EIF2B3: variants seen among roughly 807,000 people sequenced by gnomAD.
The protein encoded by EIF2B3 is eukaryotic translation initiation factor 2B subunit gamma.
EIF2B3 carries 20 observed loss-of-function variants against 54.1 expected under a neutral mutation model. The ratio of observed to expected loss-of-function variants is 0.37; its 90% CI spans 0.26 to 0.54. The LOEUF (loss-of-function observed/expected upper bound fraction) is 0.54, where lower values mean the gene tolerates loss of function less well. Among genes scored for constraint, EIF2B3 ranks in the 20% least tolerant of loss-of-function variants. EIF2B3 has a pLI of 0.86. For synonymous variants in EIF2B3, 153 were observed against 188.1 expected (o/e 0.81, Z 1.52); for missense variants, 448 against 547.8 (o/e 0.82, Z 1.82).
At chr1:44,852,743 C>T (rs1459208651) in intron 11 of EIF2B3, among the ~76,000 whole-genome samples, 1 of 148,284 alleles carries the variant, frequency 6.7e-6, no homozygotes, top group Non-Finnish European at 1.5e-5. Context: ...CGCAGCATTA[C>T]ACTCCAGCCT....
At chr1:44,943,467 T>G (rs949806451) in intron 3 of EIF2B3, among the ~76,000 whole-genome samples, 6 of 152,056 alleles carry the variant, frequency 3.9e-5, no homozygotes, top group Non-Finnish European at 7.4e-5. Flanking sequence ...TTACCCAGGC[T>G]GGAGTGCAGT....
intron 10 of EIF2B3, among the ~76,000 whole-genome samples, chr1:44,867,499 C>T (rs1654818358): frequency 6.6e-6 from 1 of 152,158 alleles, no homozygotes. Context: ...CAGCCCACCA[C>T]TGCTGGCAGA....
At position 44,875,776 on chromosome 1, in the gene EIF2B3, A is replaced by C. The variant is rs1020765804; in HGVS notation, c.976-81T>G. On this transcript the variant is annotated intron_variant, in intron 8 of 11. Coordinates refer to ENST00000360403, the MANE Select transcript of EIF2B3 (RefSeq NM_020365.5). Reference sequence around the variant, plus strand: ...CTCTCCCTCTCCCTCTACCTCTCCCACTCCCCCTCCCCACGGTCTCCCTCT... The same window carrying C: ...CTCTCCCTCTCCCTCTACCTCTCCCCCTCCCCCTCCCCACGGTCTCCCTCT... The C allele has an allele frequency of 3.6e-5, 39 of 1,080,044 alleles. No individual in the cohort carries two copies. In the East Asian group the frequency reaches 5.1e-4, roughly 14 times the overall value. The allele number at this position is 1,080,044 out of a possible 1,614,324, so 66.9% of individuals were successfully genotyped here.
intron 4 of EIF2B3, 103 bp downstream of exon 4, chr1:44,941,403 T>A (rs934377820): frequency 1.6e-5 from 21 of 1,325,478 alleles, no homozygotes; most frequent in Admixed American, 1.4e-4. Context: ...ACAGAATCTG[T>A]GATGTATAGT....
chr1:44,934,160 G>A (rs1181413938), intron 4 of EIF2B3, among the ~76,000 whole-genome samples: 3 of 152,140 alleles, frequency 2.0e-5, no homozygotes, highest in African/African-American at 7.2e-5. Flanking sequence ...CACTTTGGGA[G>A]GCTGAGGCAG....
At chr1:44,901,661 G>A (rs1028182435) in intron 5 of EIF2B3, among the ~76,000 whole-genome samples, 1 of 151,024 alleles carries the variant, frequency 6.6e-6, no homozygotes, top group African/African-American at 2.4e-5. Flanking sequence ...CTGGGCTCAG[G>A]TGATCCTCCC....
chr1:44,965,024 C>T (rs1450814346), intron 3 of EIF2B3, among the ~76,000 whole-genome samples: 4 of 152,200 alleles, frequency 2.6e-5, no homozygotes, highest in Non-Finnish European at 5.9e-5. Flanking sequence ...GGATCCATAT[C>T]CAAGGAGTCA....
At chr1:44,914,535 T>C (rs1490658374) in intron 5 of EIF2B3, among the ~76,000 whole-genome samples, 1 of 152,216 alleles carries the variant, frequency 6.6e-6, no homozygotes, top group Admixed American at 6.5e-5. Context: ...TCCAGAATTG[T>C]TACTATCTCA....
intron 3 of EIF2B3, chr1:44,958,560 T>G: frequency 7.1e-7 from 1 of 1,413,396 alleles, no homozygotes; most frequent in South Asian, 1.2e-5. Context: ...TCCTATTATG[T>G]CTTTGTGTGA....
At chr1:44,942,037 G>A (rs1049319367) in intron 3 of EIF2B3, among the ~76,000 whole-genome samples, 8 of 152,044 alleles carry the variant, frequency 5.3e-5, no homozygotes, top group African/African-American at 1.9e-4. Flanking sequence ...ATAGTTTGAT[G>A]ACTTAATATG....
intron 10 of EIF2B3, among the ~76,000 whole-genome samples, chr1:44,873,050 G>A (rs545355946): frequency 1.3e-5 from 2 of 152,308 alleles, no homozygotes; most frequent in South Asian, 2.1e-4. Context: ...ATTGGCTATA[G>A]TGGAATAATT....
At chr1:44,852,912 A>G (rs1654320220) in intron 11 of EIF2B3, among the ~76,000 whole-genome samples, 1 of 152,210 alleles carries the variant, frequency 6.6e-6, no homozygotes, top group African/African-American at 2.4e-5. Flanking sequence ...TGACTAAGAT[A>G]GGATATGGTC....
rs1655386713 is a variant in EIF2B3, at chr1:44,881,147, C to G, written c.784+465G>C. ...ACTGGGCCGGGGATTAGGGATATGA[C>G]AGCAAACAAGACAGATCCGATCTTC... On this transcript the variant is annotated intron_variant, in intron 7 of 11. Coordinates refer to ENST00000360403, the MANE Select transcript of EIF2B3 (RefSeq NM_020365.5). The surrounding 1 kb of genome is among the most constrained non-coding windows in gnomAD (Gnocchi z 4.0). Among the ~76,000 whole-genome samples the G allele has an allele frequency of 6.6e-6, 1 of 152,156 alleles. No individual in the cohort carries two copies. The highest frequency in any genetic ancestry group is 1.5e-5 in the Non-Finnish European group (1 of 68,042).
At chr1:44,975,059 A>C (rs1644438933) in intron 3 of EIF2B3, among the ~76,000 whole-genome samples, 1 of 152,118 alleles carries the variant, frequency 6.6e-6, no homozygotes, top group South Asian at 2.1e-4. Context: ...TAAAATAAAA[A>C]TCTAAAAAAT....
At chr1:44,917,922 T>C (rs3121175) in intron 5 of EIF2B3, among the ~76,000 whole-genome samples, 149,768 of 149,814 alleles carry the variant, frequency 1, 74,861 homozygotes, top group Middle Eastern at 1. Flanking sequence ...TACAGGCGCC[T>C]GCCACCACGC....
At chr1:44,863,435 A>G (rs1286859352) in intron 10 of EIF2B3, among the ~76,000 whole-genome samples, 2 of 152,178 alleles carry the variant, frequency 1.3e-5, no homozygotes, top group African/African-American at 2.4e-5. Flanking sequence ...GAATTTTGCT[A>G]TGTTGCCCAG....
At chr1:44,962,544 G>C (rs1644296357) in intron 3 of EIF2B3, among the ~76,000 whole-genome samples, 1 of 152,138 alleles carries the variant, frequency 6.6e-6, no homozygotes, top group Non-Finnish European at 1.5e-5. Flanking sequence ...CCAAGTAGCT[G>C]TGACTACTGG....
chr1:44,909,353 G>A (rs1163273491), intron 5 of EIF2B3, among the ~76,000 whole-genome samples: 1 of 151,446 alleles, frequency 6.6e-6, no homozygotes, highest in Non-Finnish European at 1.5e-5. Context: ...AACCCACAAG[G>A]ACAAAGACCA....
intron 10 of EIF2B3, among the ~76,000 whole-genome samples, chr1:44,872,868 G>C (rs1047424876): frequency 6.6e-6 from 1 of 152,108 alleles, no homozygotes; most frequent in Non-Finnish European, 1.5e-5. Context: ...ATGTCGTTTT[G>C]TTTCTTTCAC....
Sources: gnomAD v4.1 joint callset for allele counts (sites outside exome capture counted in the v4.1 genomes callset) on GRCh38, gnomAD v4.1.1 for gene constraint, Gnocchi (gnomAD v3.1) non-coding constraint, MANE v1.5 for transcripts, NCBI Gene and HGNC (gene_info 2026-07-23, HGNC 2026-07-21) for gene names.